Variants in ARFGEF2 observed in about 807,000 individuals in gnomAD.
The protein encoded by ARFGEF2 is ARF guanine nucleotide exchange factor 2, also known as brefeldin A-inhibited guanine nucleotide-exchange protein 2.
Under a neutral mutation model 219.9 loss-of-function variants are expected in ARFGEF2, and 74 were observed. The ratio of observed to expected loss-of-function variants is 0.34; its 90% CI spans 0.28 to 0.41. The LOEUF is 0.41. Among genes scored for constraint, ARFGEF2 ranks in the 10% least tolerant of loss-of-function variants. The pLI, the probability that ARFGEF2 is intolerant of heterozygous loss-of-function variation, is 1.00. For synonymous variants in ARFGEF2, 733 were observed against 799.2 expected (o/e 0.92, Z 1.40); for missense variants, 1,743 against 2,218.3 (o/e 0.79, Z 4.30).
At position 48,972,366 on chromosome 20, in the gene ARFGEF2, C is replaced by G. The variant is rs1216665703; in HGVS notation, c.1466C>G (p.Ser489Ter). 6.2e-7 allele frequency: 1 copy of G among 1,614,056 alleles called. No homozygotes were observed. The highest frequency in any genetic ancestry group is 1.7e-5 in the Admixed American group (1 of 60,014). Residue 489 changes from serine to a stop codon, truncating the protein, a stop_gained, in exon 11 of 39, where the codon TCA becomes TGA. Coordinates refer to ENST00000371917, the MANE Select transcript of ARFGEF2 (RefSeq NM_006420.3). LOFTEE classifies it high-confidence loss of function. ...ATTTTCCTGAACATTTTAGAAACAT[C>G]AACAAGTTCTTTTGAGCACAGGTGG... is the stretch of plus-strand genomic sequence containing the variant. ...KEIFLNILET[S>*]TSSFEHRWMV...
At chr20:48,960,218 C>T (rs2091138095) in intron 6 of ARFGEF2, among the ~76,000 whole-genome samples, 3 of 152,176 alleles carry the variant, frequency 2.0e-5, no homozygotes, top group Admixed American at 2.0e-4. Context: ...TAAACCTGTA[C>T]ACCATGTTAC....
In ARFGEF2 at chr20:48,988,363, TGACTACA is replaced by T; in HGVS notation, c.2341_2347del (p.Thr781CysfsTer6). ...GTCCTAGCGTATTCAATTATTATGC[TGACTACA>T]GACTTGCACAGTCCTCAGGTAAAGC... On this transcript the variant is annotated frameshift_variant, in exon 17 of 39. Transcript: ENST00000371917. LOFTEE classifies it high-confidence loss of function. 6.2e-7 allele frequency: 1 copy of T among 1,613,852 alleles called. No individual in the cohort carries two copies. The highest frequency in any genetic ancestry group is 8.5e-7 in the Non-Finnish European group (1 of 1,180,024).
At chr20:48,933,723 C>A (rs768256817) in intron 1 of ARFGEF2, among the ~76,000 whole-genome samples, 5 of 152,044 alleles carry the variant, frequency 3.3e-5, no homozygotes, top group South Asian at 2.1e-4. Flanking sequence ...TCTCTCATGG[C>A]GGTGTCAAGA....
chr20:48,951,943 T>C (rs1176784980), intron 4 of ARFGEF2, among the ~76,000 whole-genome samples: 1 of 152,112 alleles, frequency 6.6e-6, no homozygotes, highest in African/African-American at 2.4e-5. Flanking sequence ...GTATTAACAT[T>C]ATGAGGGGAG....
Position 48,998,049 on chromosome 20 carries a change from A to G in ARFGEF2, c.3222-144A>G, listed in dbSNP as rs1483198712. The G allele has an allele frequency of 6.9e-6, 5 of 728,158 alleles. No individual in the cohort carries two copies. The Admixed American group carries it at 1.0e-4, about 15-fold the overall frequency. 45.1% of individuals were successfully genotyped at this position (728,158 alleles called of 1,614,324 possible). On this transcript the variant is annotated intron_variant, in intron 23 of 38. Coordinates refer to ENST00000371917, the MANE Select transcript of ARFGEF2 (RefSeq NM_006420.3). ...ATTTTTTGTATTTTTTATTAGAGAC[A>G]AGGTTTCACCATGTTGGCCAGGCTG...
rs2091657664 is a variant in ARFGEF2, at chr20:49,034,932, G to A, written c.*1733G>A. 6.6e-6 allele frequency: 1 copy of A among 152,122 alleles called. No individual in the cohort carries two copies. Among genetic ancestry groups the A allele is most frequent in the Admixed American group, 6.6e-5 (1 of 15,262 alleles). 9.4% of individuals were successfully genotyped at this position (152,122 alleles called of 1,614,324 possible). ...CATGACTTATATACATTAGATAAAA[G>A]GAGCTGTATAATTTAGCAGGAAGGG... is the stretch of plus-strand genomic sequence containing the variant. On this transcript the variant is annotated 3_prime_UTR_variant, in exon 39 of 39. Transcript: ENST00000371917.
At chr20:48,983,962 C>G (rs2091311391) in intron 14 of ARFGEF2, among the ~76,000 whole-genome samples, 1 of 151,878 alleles carries the variant, frequency 6.6e-6, no homozygotes, top group South Asian at 2.1e-4. Context: ...GCCCGTTATC[C>G]CAGCACGTTG....
chr20:48,999,102 G>C, intron 25 of ARFGEF2: 1 of 326,564 alleles, frequency 3.1e-6, no homozygotes, highest in Non-Finnish European at 5.9e-6. Context: ...GCTGGGCGTG[G>C]TGGTGTGCAC....
At chr20:48,988,699 A>AT (rs1309370449) in intron 18 of ARFGEF2, 37 bp downstream of exon 18, 1 of 1,594,074 alleles carries the variant, frequency 6.3e-7, no homozygotes, top group Non-Finnish European at 8.6e-7. Context: ...TTTAGTTCTA[A>AT]TTTTTTAGTG....
intron 25 of ARFGEF2, among the ~76,000 whole-genome samples, chr20:49,002,421 C>G (rs1450157738): frequency 6.6e-6 from 1 of 152,124 alleles, no homozygotes; most frequent in East Asian, 1.9e-4. Flanking sequence ...ACCCTCCTGA[C>G]CACAGGCAAC....
At chr20:48,975,337 T>C (rs2091254295) in intron 13 of ARFGEF2, among the ~76,000 whole-genome samples, 1 of 152,204 alleles carries the variant, frequency 6.6e-6, no homozygotes, top group Admixed American at 6.5e-5. Flanking sequence ...CGTGAGCCAC[T>C]GTGCCTGGCC....
At chr20:48,952,421 G>C (rs1045160932) in intron 4 of ARFGEF2, among the ~76,000 whole-genome samples, 1 of 152,114 alleles carries the variant, frequency 6.6e-6, no homozygotes, top group Non-Finnish European at 1.5e-5. Flanking sequence ...TGGAAGTTTG[G>C]CTTTTTAAAA....
chr20:49,010,339 A>G lies in ARFGEF2; in HGVS notation c.3692A>G (p.Gln1231Arg), dbSNP rs768595731. 1.9e-5 allele frequency: 31 copies of G among 1,614,204 alleles called. 1 individual carries two copies. The South Asian group carries it at 3.3e-4, about 17-fold the overall frequency. The change falls in exon 27 of 39, where the codon CAG (glutamine) becomes CGG (arginine). Residue 1231 changes from glutamine (Q) to arginine (R), a missense_variant. Coordinates refer to ENST00000371917, the MANE Select transcript of ARFGEF2 (RefSeq NM_006420.3). ...GWKNIFAVFH[Q>R]AASDHDGNIV... The stretch of plus-strand genomic sequence containing the variant: ...AAGAACATCTTTGCCGTGTTCCACC[A>G]GGCAGCCTCTGATCATGATGGGAAC...
intron 35 of ARFGEF2, 114 bp downstream of exon 35, chr20:49,023,295 C>T (rs2091577979): frequency 1.4e-6 from 2 of 1,384,332 alleles, no homozygotes; most frequent in African/African-American, 2.9e-5. Flanking sequence ...ATGCTCATCT[C>T]TTTCCAACCT....
At chr20:48,989,173 G>T in intron 18 of ARFGEF2, 112 bp from the exon 19 acceptor site, 1 of 1,225,644 alleles carries the variant, frequency 8.2e-7, no homozygotes. Context: ...GGACTCACGA[G>T]ATGGTTGGGA....
At chr20:48,946,323 C>T (rs888965244) in intron 3 of ARFGEF2, among the ~76,000 whole-genome samples, 1 of 152,114 alleles carries the variant, frequency 6.6e-6, no homozygotes, top group Non-Finnish European at 1.5e-5. Context: ...CTGCGGCTTG[C>T]TTCTACCAGG....
rs543768499 is a variant in ARFGEF2 at position 49,017,580 on chromosome 20, T to G, written c.4509+30T>G. 35 of 1,611,974 alleles carry G rather than the reference T, an allele frequency of 2.2e-5. 1 individual carries two copies. The South Asian group carries it at 3.9e-4, about 18-fold the overall frequency. On this transcript the variant is annotated intron_variant, in intron 33 of 38. Coordinates refer to ENST00000371917, the MANE Select transcript of ARFGEF2 (RefSeq NM_006420.3). ...GATTTGGGGTTTTTCTTTGGTTGTC[T>G]TTTCTTTTTTCTATCTTAGTAAAAG...
intron 25 of ARFGEF2, among the ~76,000 whole-genome samples, chr20:49,004,704 A>G (rs1215703656): frequency 6.6e-6 from 1 of 152,054 alleles, no homozygotes. Flanking sequence ...AGGCAGGAGA[A>G]TTGCTTGAAC....
intron 32 of ARFGEF2, 27 bp from the exon 33 acceptor site, chr20:49,017,469 A>ATT (rs11086275): frequency 2.7e-5 from 43 of 1,611,422 alleles, no homozygotes; most frequent in Admixed American, 6.7e-5. Flanking sequence ...CACATTGATT[A>ATT]TTTTTTTTCT....
Sources: allele counts gnomAD v4.1 joint callset (sites outside exome capture counted in the v4.1 genomes callset), GRCh38; gene constraint gnomAD v4.1.1; transcripts MANE v1.5; gene names NCBI Gene and HGNC (gene_info 2026-07-23, HGNC 2026-07-21).